Variants in CACNA1C observed in about 807,000 individuals in gnomAD.
CACNA1C encodes the protein voltage-dependent L-type calcium channel subunit alpha-1C.
In CACNA1C, 30 loss-of-function variants were observed where a neutral mutation model predicts 229.0. That is an observed-to-expected ratio of 0.13 (90% CI 0.10 to 0.18). The LOEUF is 0.18. Among genes scored for constraint, CACNA1C ranks in the 10% least tolerant of loss-of-function variants. CACNA1C has a pLI of 1.00. For missense variants in CACNA1C, 1,658 were observed against 2,845.0 expected, an observed-to-expected ratio of 0.58 and a Z score of 9.49; for synonymous variants, 1,114 against 1,132.5, an observed-to-expected ratio of 0.98 and a Z score of 0.33.
intron 3 of CACNA1C, among the ~76,000 whole-genome samples, chr12:2,235,872 A>G (rs1407427837): frequency 6.6e-6 from 1 of 152,156 alleles, no homozygotes; most frequent in Non-Finnish European, 1.5e-5. Context: ...CCCACTGTGT[A>G]CAGTGCTTAC....
At chr12:2,250,953 C>G (rs2075371168) in intron 3 of CACNA1C, among the ~76,000 whole-genome samples, 1 of 152,214 alleles carries the variant, frequency 6.6e-6, no homozygotes, top group East Asian at 1.9e-4. Context: ...CCCATCCACC[C>G]TGGTGACTTC....
rs1368790194 is a variant in CACNA1C, at chr12:2,322,337, G to A, written c.478-126639G>A. Among the ~76,000 whole-genome samples the A allele has an allele frequency of 3.3e-5, 5 of 152,294 alleles. No homozygotes were observed. The East Asian group carries it at 7.7e-4, about 24-fold the overall frequency. ...TTCCTAACTTCAGAAGCCAGCAGGT[G>A]GACTAAGGGCTGGGAGGGCCCGAGG... On this transcript the variant is annotated intron_variant, in intron 3 of 46. Coordinates refer to ENST00000399655, the MANE Select transcript of CACNA1C (RefSeq NM_000719.7).
chr12:2,635,895 C>T (rs216023), intron 30 of CACNA1C, among the ~76,000 whole-genome samples: 2,276 of 152,190 alleles, frequency 0.015, 65 homozygotes, highest in African/African-American at 0.052. Flanking sequence ...TATGTGCACT[C>T]TCTCTTAACT....
chr12:2,238,822 T>TCTC (rs2068577462), intron 3 of CACNA1C, among the ~76,000 whole-genome samples: 1 of 152,134 alleles, frequency 6.6e-6, no homozygotes, highest in Admixed American at 6.5e-5. Flanking sequence ...AGGCTGAAAT[T>TCTC]TGGGGACTCA....
At chr12:2,178,935 G>A (rs538499257) in intron 3 of CACNA1C, among the ~76,000 whole-genome samples, 3 of 152,200 alleles carry the variant, frequency 2.0e-5, no homozygotes, top group East Asian at 3.9e-4. Flanking sequence ...GGTGACAGGC[G>A]CTTGCAGTCC....
chr12:2,141,401 G>A (rs911233837), intron 3 of CACNA1C, among the ~76,000 whole-genome samples: 1 of 151,204 alleles, frequency 6.6e-6, no homozygotes, highest in Non-Finnish European at 1.5e-5. Context: ...AGAAAGCCCT[G>A]GACGGTGCAA....
At chr12:2,222,558 G>C (rs2061740067) in intron 3 of CACNA1C, 4 of 152,126 alleles carry the variant, frequency 2.6e-5, no homozygotes, top group Admixed American at 1.3e-4. Flanking sequence ...ATATTTCAGG[G>C]CCCAAGTCTT....
chr12:2,456,459 A>G lies in CACNA1C; in HGVS notation c.618-1108A>G, dbSNP rs535139720. On this transcript the variant is annotated intron_variant, in intron 4 of 46. Coordinates refer to ENST00000399655, the MANE Select transcript of CACNA1C (RefSeq NM_000719.7). Reference sequence around the variant, plus strand: ...CTTCTGTCTCAGAGAGGATACCAGCACCCGGTGGGGTTCCCTATTTCCTCT... The same window carrying G: ...CTTCTGTCTCAGAGAGGATACCAGCGCCCGGTGGGGTTCCCTATTTCCTCT... Among the ~76,000 whole-genome samples the G allele has an allele frequency of 2.0e-5, 3 of 152,218 alleles. No homozygotes were observed. The East Asian group carries it at 5.8e-4, about 29-fold the overall frequency.
rs892057683 is a variant in CACNA1C at position 2,108,329 on chromosome 12, C to T, written c.50-6895C>T. Among the ~76,000 whole-genome samples, 3 of 152,172 alleles carry T rather than the reference C, an allele frequency of 2.0e-5. No individual in the cohort carries two copies. Among genetic ancestry groups the T allele is most frequent in the South Asian group, 2.1e-4 (1 of 4,826 alleles). ...CAGAACAGGCCCCCCGAGGGAACTG[C>T]GGTTCGGGTACAATTATGAGGCTGG... On this transcript the variant is annotated intron_variant, in intron 1 of 46. Coordinates refer to ENST00000399655, the MANE Select transcript of CACNA1C (RefSeq NM_000719.7). The surrounding 1 kb of genome is among the most constrained non-coding windows in gnomAD (Gnocchi z 5.3).
chr12:2,140,230 G>A (rs1403120041), intron 3 of CACNA1C, among the ~76,000 whole-genome samples: 1 of 151,328 alleles, frequency 6.6e-6, no homozygotes, highest in Admixed American at 6.6e-5. Context: ...AACAGTCACG[G>A]TGGGTGGACG....
At chr12:1,987,888 C>G (rs1047769092) in intron 1 of CACNA1C, among the ~76,000 whole-genome samples, 3 of 152,160 alleles carry the variant, frequency 2.0e-5, no homozygotes, top group Admixed American at 6.6e-5. Flanking sequence ...TCTCCCTCCC[C>G]CTTAGTTTTC....
intron 9 of CACNA1C, among the ~76,000 whole-genome samples, chr12:2,518,217 G>A (rs1405428712): frequency 6.6e-6 from 1 of 152,294 alleles, no homozygotes. Flanking sequence ...GGTTGCCCAC[G>A]ATAGGGCCCC....
At chr12:2,502,575 G>T (rs971782838) in intron 7 of CACNA1C, among the ~76,000 whole-genome samples, 3 of 152,162 alleles carry the variant, frequency 2.0e-5, no homozygotes, top group Admixed American at 1.3e-4. Context: ...CACGATATTT[G>T]CACTATGCAC....
intron 3 of CACNA1C, among the ~76,000 whole-genome samples, chr12:2,377,705 G>A (rs1235967425): frequency 6.6e-6 from 1 of 152,108 alleles, no homozygotes; most frequent in African/African-American, 2.4e-5. Flanking sequence ...TATTATCCCC[G>A]TTTCACAGCT....
intron 3 of CACNA1C, among the ~76,000 whole-genome samples, chr12:2,307,399 G>A (rs2095123517): frequency 6.6e-6 from 1 of 152,204 alleles, no homozygotes. Flanking sequence ...GCTGAGACCT[G>A]TACAGGATCA....
At chr12:2,461,778 T>G (rs2099504950) in intron 5 of CACNA1C, among the ~76,000 whole-genome samples, 1 of 152,182 alleles carries the variant, frequency 6.6e-6, no homozygotes, top group South Asian at 2.1e-4. Flanking sequence ...CCTATGAGCT[T>G]TACCTTCCAA....
intron 3 of CACNA1C, among the ~76,000 whole-genome samples, chr12:2,224,545 T>A (rs897514774): frequency 6.6e-6 from 1 of 152,178 alleles, no homozygotes; most frequent in Non-Finnish European, 1.5e-5. Context: ...GTCAGCTGCA[T>A]TGCATGTTAG....
intron 7 of CACNA1C, among the ~76,000 whole-genome samples, chr12:2,499,512 G>C (rs1179121671): frequency 6.6e-6 from 1 of 152,192 alleles, no homozygotes; most frequent in Non-Finnish European, 1.5e-5. Flanking sequence ...TTTGGGGAAA[G>C]ATAAAAAGTG....
At chr12:2,098,450 G>T (rs727267) in intron 1 of CACNA1C, among the ~76,000 whole-genome samples, 1 of 151,966 alleles carries the variant, frequency 6.6e-6, no homozygotes, top group Non-Finnish European at 1.5e-5. Flanking sequence ...GCTGTGTGTG[G>T]GTACATTTGT....
Sources: gnomAD v4.1 joint callset for allele counts (sites outside exome capture counted in the v4.1 genomes callset) on GRCh38, gnomAD v4.1.1 for gene constraint, Gnocchi (gnomAD v3.1) non-coding constraint, MANE v1.5 for transcripts, NCBI Gene and HGNC (gene_info 2026-07-23, HGNC 2026-07-21) for gene names.